MAGEE1: variants seen among roughly 807,000 people sequenced by gnomAD.
The protein encoded by MAGEE1 is MAGE family member E1, also known as melanoma-associated antigen E1.
MAGEE1 carries 3 observed loss-of-function variants against 12.0 expected under a neutral mutation model. That is an observed-to-expected ratio of 0.25 (90% CI 0.11 to 0.65). The LOEUF (loss-of-function observed/expected upper bound fraction) is 0.65. MAGEE1 is among the 30% of genes least tolerant of loss of function. The probability of loss-of-function intolerance (pLI) is 0.84; values close to 1 mark genes in which losing one functional copy is unlikely to be tolerated. For synonymous variants in MAGEE1, 414 were observed against 326.1 expected (o/e 1.27, Z -2.91); for missense variants, 729 against 772.2 (o/e 0.94, Z 0.66).
rs781937662 is a variant in MAGEE1 at position 76,430,813 on chromosome X, A to G, written c.*9A>G. 3.1e-6 allele frequency: 3 copies of G among 955,016 alleles called. No homozygotes were observed. The highest frequency in any genetic ancestry group is 2.2e-5 in the African/African-American group (1 of 44,484). 78.7% of individuals were successfully genotyped at this position (955,016 alleles called of 1,213,427 possible). The stretch of plus-strand genomic sequence containing the variant: ...TTCACAACTTCAGGTAGAGGAATGC[A>G]TGGCAGTCAGAGGGGCCTTGCAAGG... On this transcript the variant is annotated 3_prime_UTR_variant, in exon 1 of 1. Coordinates refer to ENST00000361470, the MANE Select transcript of MAGEE1 (RefSeq NM_020932.3).
At position 76,428,125 on chromosome X, in the gene MAGEE1, C is replaced by A. The variant is rs868944887; in HGVS notation, c.195C>A (p.Ser65Arg). Residue 65 changes from serine to arginine, a missense_variant, in exon 1 of 1, where the codon AGC becomes AGA. Around this residue, in one of 4 missense-constraint regions of MAGEE1, gnomAD observed 473 missense variants for 423.7 expected, o/e 1.12. Coordinates refer to ENST00000361470, the MANE Select transcript of MAGEE1 (RefSeq NM_020932.3). ...LQGLCASEGP[S>R]TSVLPTSAEG... is the part of the protein sequence containing the mutation. The stretch of plus-strand genomic sequence containing the variant: ...GCCTCTGCGCCTCTGAGGGCCCAAG[C>A]ACCTCCGTTCTGCCCACCTCCGCTG... 8.4e-6 allele frequency: 10 copies of A among 1,193,547 alleles called. No individual in the cohort carries two copies. The highest frequency in any genetic ancestry group is 1.1e-5 in the Non-Finnish European group (10 of 886,582).
chrX:76,429,770 C>T lies in MAGEE1; in HGVS notation c.1840C>T (p.Arg614Trp). 8.3e-7 allele frequency: 1 copy of T among 1,210,940 alleles called. No homozygotes were observed. Among genetic ancestry groups the T allele is most frequent in the Non-Finnish European group, 1.1e-6 (1 of 895,316 alleles). Reference protein sequence around the residue: ...WEMLWRMGVQRERRLSIFGNP... With the variant: ...WEMLWRMGVQWERRLSIFGNP... ...AATGCTCTGGAGGATGGGGGTGCAG[C>T]GGGAAAGGAGGCTTTCCATTTTTGG... Residue 614 changes from arginine to tryptophan, a missense_variant, in exon 1 of 1, where the codon CGG becomes TGG. By Grantham distance (101) the Arg-to-Trp change is moderately radical. This residue lies in a region of MAGEE1 where 91 missense variants were observed against 133.8 expected (regional missense o/e 0.68). Transcript: ENST00000361470.
Position 76,428,700 on chromosome X carries a change from G to A in MAGEE1, c.770G>A (p.Ser257Asn), listed in dbSNP as rs1556839420. The A allele has an allele frequency of 8.3e-7, 1 of 1,209,679 alleles. No individual in the cohort carries two copies. Among genetic ancestry groups the A allele is most frequent in the East Asian group, 3.0e-5 (1 of 33,781 alleles). The stretch of plus-strand genomic sequence containing the variant: ...CCACCCACCCGTGATGAGGGACCGA[G>A]CACCTCCGTGCCGGCCACTCCTGGT... Reference protein sequence around the residue: ...PVPPTRDEGPSTSVPATPGEG... With the variant: ...PVPPTRDEGPNTSVPATPGEG... The change falls in exon 1 of 1, where the codon AGC becomes AAC. Residue 257 changes from serine to asparagine, a missense_variant. Transcript: ENST00000361470.
rs1460557371 is a variant in MAGEE1, at chrX:76,428,032, C to T, written c.102C>T (p.Pro34=). 25 of 1,186,773 alleles carry T rather than the reference C, an allele frequency of 2.1e-5. No homozygotes were observed. Among genetic ancestry groups the T allele is most frequent in the African/African-American group, 3.5e-5 (2 of 57,079 alleles). Reference sequence around the variant, plus strand: ...GCGAAATGCAGGCCCCTAATGCCCCCGGTCTCCCCGCTGATGTGCCAGGCT... The same window carrying T: ...GCGAAATGCAGGCCCCTAATGCCCCTGGTCTCCCCGCTGATGTGCCAGGCT... ...SWGEMQAPNA[P]GLPADVPGSD... The change falls in exon 1 of 1, where the codon CCC becomes CCT. Residue 34 remains proline (P), a synonymous_variant. Coordinates refer to ENST00000361470, the MANE Select transcript of MAGEE1 (RefSeq NM_020932.3).
rs1283876402 is a variant in MAGEE1, at chrX:76,429,926, A to G, written c.1996A>G (p.Met666Val). The G allele has an allele frequency of 3.3e-6, 4 of 1,209,533 alleles. No individual in the cohort carries two copies. The highest frequency in any genetic ancestry group is 3.5e-5 in the African/African-American group (2 of 56,980). ...GPRSHLETTK[M>V]KILKFMAKIY... ...AAGATCCCACCTAGAAACCACCAAG[A>G]TGAAAATTCTGAAGTTCATGGCGAA... Residue 666 changes from methionine (M) to valine (V), a missense_variant, in exon 1 of 1, where the codon ATG (methionine) becomes GTG (valine). Met to Val is a conservative substitution (Grantham distance 21). This residue lies in a region of MAGEE1 where 91 missense variants were observed against 133.8 expected (regional missense o/e 0.68). Coordinates refer to ENST00000361470, the MANE Select transcript of MAGEE1 (RefSeq NM_020932.3).
chrX:76,428,834 G>C lies in MAGEE1; in HGVS notation c.904G>C (p.Glu302Gln). 1.7e-6 allele frequency: 2 copies of C among 1,209,701 alleles called. No individual in the cohort carries two copies. The highest frequency in any genetic ancestry group is 1.1e-6 in the Non-Finnish European group (1 of 894,775). The change falls in exon 1 of 1, where the codon GAG becomes CAG. Residue 302 changes from glutamate to glutamine, a missense_variant. Coordinates refer to ENST00000361470, the MANE Select transcript of MAGEE1 (RefSeq NM_020932.3). ...SSTSVPPTAT[E>Q]GLSTSVQPTA... Reference sequence around the variant, plus strand: ...CACCTCCGTGCCCCCCACCGCCACCGAGGGCCTGAGCACCTCCGTGCAGCC... The same window carrying C: ...CACCTCCGTGCCCCCCACCGCCACCCAGGGCCTGAGCACCTCCGTGCAGCC...
chrX:76,428,936 G>A lies in MAGEE1; in HGVS notation c.1006G>A (p.Ala336Thr), dbSNP rs1556839531. 4 of 1,205,109 alleles carry A rather than the reference G, an allele frequency of 3.3e-6. No homozygotes were observed. ...ACTGAGCACCTCCGTGCCGCCCACC[G>A]CCACTGAGGAGTTGAGCACCTCCGT... ...GGLSTSVPPT[A>T]TEELSTSVPP... The change falls in exon 1 of 1, where the codon GCC becomes ACC. Residue 336 changes from alanine (A) to threonine (T), a missense_variant. This residue lies in a region of MAGEE1 where 473 missense variants were observed against 423.7 expected (regional missense o/e 1.12). Transcript: ENST00000361470.
In MAGEE1 at chrX:76,430,432, C is replaced by T. The variant is rs781901981; in HGVS notation, c.2502C>T (p.Gly834=). Residue 834 remains glycine, a synonymous_variant, in exon 1 of 1, where the codon GGC becomes GGT. Transcript: ENST00000361470. Reference sequence around the variant, plus strand: ...TCGTAGACAGTCCAAACAGGCCTGGCAACAACTTTTTGATGCAGGTCCTAA... The same window carrying T: ...TCGTAGACAGTCCAAACAGGCCTGGTAACAACTTTTTGATGCAGGTCCTAA... ...EEIVDSPNRP[G]NNFLMQVLSF... 3 of 1,211,104 alleles carry T rather than the reference C, an allele frequency of 2.5e-6. No homozygotes were observed. In the East Asian group the frequency reaches 8.9e-5, roughly 36 times the overall value.
Position 76,429,185 on chromosome X carries a change from A to T in MAGEE1, c.1255A>T (p.Ser419Cys). Residue 419 changes from serine (S) to cysteine (C), a missense_variant, in exon 1 of 1, where the codon AGT becomes TGT. This residue lies in a region of MAGEE1 where 473 missense variants were observed against 423.7 expected (regional missense o/e 1.12). Coordinates refer to ENST00000361470, the MANE Select transcript of MAGEE1 (RefSeq NM_020932.3). ...GGGCCCGAGCACATTGTTTAGCTCT[A>T]GTGCTTCTGTGGACCGGAACCCCTC... ...GEGPSTLFSS[S>C]ASVDRNPSKC... 1.6e-6 allele frequency: 2 copies of T among 1,212,133 alleles called. No individual in the cohort carries two copies. The highest frequency in any genetic ancestry group is 2.2e-6 in the Non-Finnish European group (2 of 895,575).
rs782725512 is a variant in MAGEE1, at chrX:76,430,208, G to T, written c.2278G>T (p.Asp760Tyr). Residue 760 changes from aspartate to tyrosine, a missense_variant, in exon 1 of 1, where the codon GAT becomes TAT. Physicochemically the swap from Asp to Tyr is radical, Grantham distance 160 (BLOSUM62 -3). Coordinates refer to ENST00000361470, the MANE Select transcript of MAGEE1 (RefSeq NM_020932.3). ...RKLVQLFLLM[D>Y]STKLPIPKKG... Reference sequence around the variant, plus strand: ...GCTGGTGCAGTTATTTCTGCTTATGGATTCAACTAAGCTGCCTATACCAAA... The same window carrying T: ...GCTGGTGCAGTTATTTCTGCTTATGTATTCAACTAAGCTGCCTATACCAAA... 8.3e-7 allele frequency: 1 copy of T among 1,211,771 alleles called. No homozygotes were observed.
chrX:76,428,960 G>T lies in MAGEE1; in HGVS notation c.1030G>T (p.Val344Leu), dbSNP rs1923308645. The change falls in exon 1 of 1, where the codon GTG becomes TTG. Residue 344 changes from valine to leucine, a missense_variant. By Grantham distance (32) the Val-to-Leu change is conservative. Around this residue, in one of 4 missense-constraint regions of MAGEE1, gnomAD observed 473 missense variants for 423.7 expected, o/e 1.12. Transcript: ENST00000361470. Reference sequence around the variant, plus strand: ...CGCCACTGAGGAGTTGAGCACCTCCGTGCCGCCCACTCCCGGTGAGGGACC... The same window carrying T: ...CGCCACTGAGGAGTTGAGCACCTCCTTGCCGCCCACTCCCGGTGAGGGACC... ...PTATEELSTS[V>L]PPTPGEGPST... 1 of 1,210,410 alleles carries T rather than the reference G, an allele frequency of 8.3e-7. No individual in the cohort carries two copies. Among genetic ancestry groups the T allele is most frequent in the Non-Finnish European group, 1.1e-6 (1 of 895,283 alleles).
chrX:76,430,078 A>G lies in MAGEE1; in HGVS notation c.2148A>G (p.Glu716=). ...LPHFRRPFFE[E]AAAEVPSPDS... is the part of the protein sequence containing the mutation. ...ACTTTAGGAGGCCCTTTTTTGAGGAAGCTGCTGCAGAGGTACCATCCCCTG... is the reference window on the plus strand; with the variant it reads ...ACTTTAGGAGGCCCTTTTTTGAGGAGGCTGCTGCAGAGGTACCATCCCCTG... The change falls in exon 1 of 1, where the codon GAA becomes GAG. Residue 716 remains glutamate, a synonymous_variant. Coordinates refer to ENST00000361470, the MANE Select transcript of MAGEE1 (RefSeq NM_020932.3). 8.3e-7 allele frequency: 1 copy of G among 1,210,667 alleles called. No homozygotes were observed. The highest frequency in any genetic ancestry group is 1.1e-6 in the Non-Finnish European group (1 of 894,949).
In MAGEE1 at chrX:76,428,963, C is replaced by T; in HGVS notation, c.1033C>T (p.Pro345Ser). The change falls in exon 1 of 1, where the codon CCG becomes TCG. Residue 345 changes from proline (P) to serine (S), a missense_variant. By Grantham distance (74) the Pro-to-Ser change is moderately conservative (BLOSUM62 -1). Transcript: ENST00000361470. ...TATEELSTSV[P>S]PTPGEGPSTS... ...CACTGAGGAGTTGAGCACCTCCGTG[C>T]CGCCCACTCCCGGTGAGGGACCAAG... 1 of 1,210,532 alleles carries T rather than the reference C, an allele frequency of 8.3e-7. No homozygotes were observed. The highest frequency in any genetic ancestry group is 1.1e-6 in the Non-Finnish European group (1 of 895,327).
Position 76,431,130 on chromosome X carries a change from G to A in MAGEE1, c.*326G>A. ...ATATAGCATATAGCTATAGATATAG[G>A]CTTTTCCTTGAAAGCTTGAAAAAAA... On this transcript the variant is annotated 3_prime_UTR_variant, in exon 1 of 1. Transcript: ENST00000361470. The A allele has an allele frequency of 5.3e-6, 1 of 189,599 alleles. No individual in the cohort carries two copies. Among genetic ancestry groups the A allele is most frequent in the Non-Finnish European group, 1.0e-5 (1 of 96,379 alleles). 15.6% of individuals were successfully genotyped at this position (189,599 alleles called of 1,213,427 possible). A position where few individuals can be genotyped will look rare whatever the true frequency, so the allele number is the denominator to read the frequency against.
Position 76,427,858 on chromosome X carries a change from C to A in MAGEE1, c.-73C>A. ...AGTTTTGTGCCGAGGCACCTACACA[C>A]CTCCCGTCCTCTCTGCCAGATCGCG... On this transcript the variant is annotated 5_prime_UTR_variant, in exon 1 of 1. Coordinates refer to ENST00000361470, the MANE Select transcript of MAGEE1 (RefSeq NM_020932.3). 1 of 1,098,771 alleles carries A rather than the reference C, an allele frequency of 9.1e-7. No homozygotes were observed. Among genetic ancestry groups the A allele is most frequent in the Non-Finnish European group, 1.2e-6 (1 of 820,591 alleles). The allele number at this position is 1,098,771 out of a possible 1,213,427, so 90.6% of individuals were successfully genotyped here. A position where few individuals can be genotyped will look rare whatever the true frequency, so the allele number is the denominator to read the frequency against.
In MAGEE1 at chrX:76,429,204, A is replaced by G; in HGVS notation, c.1274A>G (p.Asn425Ser). The G allele has an allele frequency of 8.3e-7, 1 of 1,211,632 alleles. No homozygotes were observed. Among genetic ancestry groups the G allele is most frequent in the South Asian group, 1.8e-5 (1 of 56,923 alleles). Reference protein sequence around the residue: ...LFSSSASVDRNPSKCSLVLPS... With the variant: ...LFSSSASVDRSPSKCSLVLPS... ...AGCTCTAGTGCTTCTGTGGACCGGA[A>G]CCCCTCCAAGTGTTCCCTTGTTTTG... The change falls in exon 1 of 1, where the codon AAC (asparagine) becomes AGC (serine). Residue 425 changes from asparagine (N) to serine (S), a missense_variant. Physicochemically the swap from Asn to Ser is conservative, Grantham distance 46. Transcript: ENST00000361470.
rs1480133825 is a variant in MAGEE1 at position 76,430,857 on chromosome X, G to T, written c.*53G>T. On this transcript the variant is annotated 3_prime_UTR_variant, in exon 1 of 1. Transcript: ENST00000361470. ...TGCAAGGAGGGGCCTTTGAGCCTCA[G>T]TTCTCATGTATTGGGGGGTGGGGGT... The T allele has an allele frequency of 4.4e-5, 10 of 228,013 alleles. No individual in the cohort carries two copies. The highest frequency in any genetic ancestry group is 5.8e-5 in the Non-Finnish European group (8 of 138,852). 18.8% of individuals were successfully genotyped at this position (228,013 alleles called of 1,213,427 possible). A position where few individuals can be genotyped will look rare whatever the true frequency, so the allele number is the denominator to read the frequency against.
Position 76,431,150 on chromosome X carries a change from A to C in MAGEE1, c.*346A>C. ...TATAGGCTTTTCCTTGAAAGCTTGA[A>C]AAAAATTCGCCAGTAAAATAATCTA... On this transcript the variant is annotated 3_prime_UTR_variant, in exon 1 of 1. Coordinates refer to ENST00000361470, the MANE Select transcript of MAGEE1 (RefSeq NM_020932.3). 5.8e-6 allele frequency: 1 copy of C among 171,715 alleles called. No homozygotes were observed. Among genetic ancestry groups the C allele is most frequent in the East Asian group, 1.3e-4 (1 of 7,427 alleles). The allele number at this position is 171,715 out of a possible 1,213,427, so 14.2% of individuals were successfully genotyped here.
Position 76,430,209 on chromosome X carries a change from A to T in MAGEE1, c.2279A>T (p.Asp760Val). Residue 760 changes from aspartate to valine, a missense_variant, in exon 1 of 1, where the codon GAT becomes GTT. Around this residue, in one of 4 missense-constraint regions of MAGEE1, gnomAD observed 101 missense variants for 161.3 expected, o/e 0.63. Transcript: ENST00000361470. ...RKLVQLFLLM[D>V]STKLPIPKKG... ...CTGGTGCAGTTATTTCTGCTTATGG[A>T]TTCAACTAAGCTGCCTATACCAAAG... The T allele has an allele frequency of 8.3e-7, 1 of 1,211,679 alleles. No individual in the cohort carries two copies. Among genetic ancestry groups the T allele is most frequent in the East Asian group, 3.0e-5 (1 of 33,815 alleles).
Sources: gnomAD v4.1 joint callset for allele counts on GRCh38, gnomAD v4.1.1 for gene constraint, gnomAD v4.1.1 regional missense constraint, MANE v1.5 for transcripts, NCBI Gene and HGNC (gene_info 2026-07-23, HGNC 2026-07-21) for gene names.